AGAP1: variants seen among roughly 807,000 people sequenced by gnomAD.
The protein encoded by AGAP1 is ArfGAP with GTPase domain, ankyrin repeat and PH domain 1, also known as arf-GAP with GTPase, ANK repeat and PH domain-containing protein 1.
AGAP1 carries 29 observed loss-of-function variants against 105.3 expected under a neutral mutation model. That is an observed-to-expected ratio of 0.28 (90% CI 0.21 to 0.38). The LOEUF (loss-of-function observed/expected upper bound fraction) is 0.38, where lower values mean the gene tolerates loss of function less well. AGAP1 is among the 10% of genes least tolerant of loss of function. The pLI is 1.00. For missense variants in AGAP1, 998 were observed against 1,165.1 expected (o/e 0.86, Z 2.09); for synonymous variants, 509 against 485.9 (o/e 1.05, Z -0.63).
rs75552439 is a variant in AGAP1, at chr2:235,610,941, G to A, written c.164-98238G>A. ...ATCCTTTTCAGCCCCTCTGAAGAGC[G>A]GCCCAGTAGGATGGTTGACTGACGT... On this transcript the variant is annotated intron_variant, in intron 1 of 17. Coordinates refer to ENST00000304032, the MANE Select transcript of AGAP1 (RefSeq NM_001037131.3). The surrounding 1 kb of genome is among the most constrained non-coding windows in gnomAD (Gnocchi z 4.9). Among the ~76,000 whole-genome samples, 538 of 152,108 alleles carry A rather than the reference G, an allele frequency of 3.5e-3. 7 individuals carry two copies. Among genetic ancestry groups the A allele is most frequent in the African/African-American group, 0.012 (516 of 41,454 alleles).
chr2:235,552,675 C>CA lies in AGAP1; in HGVS notation c.163+57827dup, dbSNP rs1943851489. Among the ~76,000 whole-genome samples, 1 of 152,142 alleles carries CA rather than the reference C, an allele frequency of 6.6e-6. No homozygotes were observed. The highest frequency in any genetic ancestry group is 1.5e-5 in the Non-Finnish European group (1 of 68,030). ...GGAGCTGGGTTGTGGGTGAGGGATGCAGAGAGGCTTAACCCAGAGAATGGA... is the reference window on the plus strand; with the variant it reads ...GGAGCTGGGTTGTGGGTGAGGGATGCAAGAGAGGCTTAACCCAGAGAATGGA... On this transcript the variant is annotated intron_variant, in intron 1 of 17. Transcript: ENST00000304032. This position sits in a 1 kb window ranked among gnomAD's most constrained non-coding sequence, Gnocchi z 5.9.
rs1426129797 is a variant in AGAP1 at position 236,101,517 on chromosome 2, C to T, written c.2115-18675C>T. ...GCCCTCTGCAGTCACTCCGGCCTGT[C>T]CCCGCCTCTTCCGTGTGAGAAGAGC... On this transcript the variant is annotated intron_variant, in intron 16 of 17. Transcript: ENST00000304032. This position sits in a 1 kb window ranked among gnomAD's most constrained non-coding sequence, Gnocchi z 4.9. Among the ~76,000 whole-genome samples the T allele has an allele frequency of 6.6e-6, 1 of 152,208 alleles. No individual in the cohort carries two copies. The highest frequency in any genetic ancestry group is 2.4e-5 in the African/African-American group (1 of 41,460).
chr2:235,512,008 C>G (rs62191523), intron 1 of AGAP1, among the ~76,000 whole-genome samples: 1 of 36,410 alleles, frequency 2.7e-5, no homozygotes. Context: ...GCGTGTGTGA[C>G]TGTGTGAATG....
chr2:235,777,368 G>A lies in AGAP1; in HGVS notation c.674-20391G>A, dbSNP rs188394764. Among the ~76,000 whole-genome samples, 1 of 152,232 alleles carries A rather than the reference G, an allele frequency of 6.6e-6. No homozygotes were observed. Among genetic ancestry groups the A allele is most frequent in the Non-Finnish European group, 1.5e-5 (1 of 67,996 alleles). ...CTGTCTCAAAAAAAAAGACAAAAGT[G>A]ATTTCCTGAGCTGCTCCGAGCTGGA... is the stretch of plus-strand genomic sequence containing the variant. On this transcript the variant is annotated intron_variant, in intron 6 of 17. Coordinates refer to ENST00000304032, the MANE Select transcript of AGAP1 (RefSeq NM_001037131.3). The surrounding 1 kb of genome is among the most constrained non-coding windows in gnomAD (Gnocchi z 5.1).
intron 8 of AGAP1, 108 bp from the exon 9 acceptor site, chr2:235,807,131 G>A (rs565458296): frequency 2.0e-5 from 21 of 1,072,434 alleles, no homozygotes; most frequent in Admixed American, 9.1e-5. Context: ...CACATAGATC[G>A]CGCATGTTTT....
rs563276676 is a variant in AGAP1 at position 235,967,144 on chromosome 2, C to T, written c.1484-1318C>T. 1.3e-5 allele frequency among the ~76,000 whole-genome samples: 2 copies of T among 152,084 alleles called. No individual in the cohort carries two copies. Among genetic ancestry groups the T allele is most frequent in the Admixed American group, 1.3e-4 (2 of 15,278 alleles). ...TTCCGCAGGCCTCTCCCACCCACAC[C>T]GGCCACCGCCACTCGGGCCCCCTCT... On this transcript the variant is annotated intron_variant, in intron 12 of 17. Transcript: ENST00000304032. The surrounding 1 kb of genome is among the most constrained non-coding windows in gnomAD (Gnocchi z 4.7).
At chr2:235,818,617 A>G (rs1353561505) in intron 9 of AGAP1, among the ~76,000 whole-genome samples, 2 of 151,626 alleles carry the variant, frequency 1.3e-5, no homozygotes, top group Admixed American at 6.6e-5. Context: ...TACGTTTTGT[A>G]TTTTTAGTAG....
At position 236,014,860 on chromosome 2, in the gene AGAP1, C is replaced by T. The variant is rs1430445227; in HGVS notation, c.1646-21701C>T. 2 of 453,076 alleles carry T rather than the reference C, an allele frequency of 4.4e-6. No homozygotes were observed. The highest frequency in any genetic ancestry group is 9.1e-6 in the Non-Finnish European group (2 of 219,682). The allele number at this position is 453,076 out of a possible 1,614,324, so 28.1% of individuals were successfully genotyped here. On this transcript the variant is annotated intron_variant, in intron 13 of 17. Transcript: ENST00000304032. The surrounding 1 kb of genome is among the most constrained non-coding windows in gnomAD (Gnocchi z 6.3). ...TTGGTAGCCTGCGAAATATATACAGCAGCAGCACCAACACTGAAGGTAACG... is the reference window on the plus strand; with the variant it reads ...TTGGTAGCCTGCGAAATATATACAGTAGCAGCACCAACACTGAAGGTAACG...
In AGAP1 at chr2:235,613,479, T is replaced by G. The variant is rs539833252; in HGVS notation, c.164-95700T>G. Among the ~76,000 whole-genome samples the G allele has an allele frequency of 1.6e-4, 25 of 152,314 alleles. No homozygotes were observed. In the South Asian group the frequency reaches 5.2e-3, roughly 32 times the overall value. On this transcript the variant is annotated intron_variant, in intron 1 of 17. Coordinates refer to ENST00000304032, the MANE Select transcript of AGAP1 (RefSeq NM_001037131.3). ...TTTTCCTTCCTTCAATGAGAAGACT[T>G]ATATCTTTTTGAGCAGAAACTGTGG...
rs757059765 is a variant in AGAP1, at chr2:235,968,000, G to A, written c.1484-462G>A. Among the ~76,000 whole-genome samples, 3 of 152,148 alleles carry A rather than the reference G, an allele frequency of 2.0e-5. No individual in the cohort carries two copies. Among genetic ancestry groups the A allele is most frequent in the Admixed American group, 6.5e-5 (1 of 15,274 alleles). On this transcript the variant is annotated intron_variant, in intron 12 of 17. Transcript: ENST00000304032. The surrounding 1 kb of genome is among the most constrained non-coding windows in gnomAD (Gnocchi z 4.7). ...TATAGTCATCTGTAATATTGAGGCC[G>A]GAAGAAAGGATCAGGAATCCCTTAT...
intron 9 of AGAP1, among the ~76,000 whole-genome samples, chr2:235,841,228 G>A (rs1302054203): frequency 3.3e-5 from 5 of 152,130 alleles, no homozygotes; most frequent in Non-Finnish European, 7.3e-5. Context: ...AGAAGTTATC[G>A]ATTCGCTTGG....
In AGAP1 at chr2:235,556,401, G is replaced by T. The variant is rs550210912; in HGVS notation, c.163+61552G>T. On this transcript the variant is annotated intron_variant, in intron 1 of 17. Transcript: ENST00000304032. This position sits in a 1 kb window ranked among gnomAD's most constrained non-coding sequence, Gnocchi z 5.3. Reference sequence around the variant, plus strand: ...GAGGGACACTGACCCCAAGGCCCAGGCCAGTCTCGTCCAGGCTGCCCACAC... The same window carrying T: ...GAGGGACACTGACCCCAAGGCCCAGTCCAGTCTCGTCCAGGCTGCCCACAC... Among the ~76,000 whole-genome samples the T allele has an allele frequency of 3.3e-5, 5 of 152,368 alleles. No homozygotes were observed. Among genetic ancestry groups the T allele is most frequent in the South Asian group, 2.1e-4 (1 of 4,830 alleles).
At position 235,599,612 on chromosome 2, in the gene AGAP1, A is replaced by G. The variant is rs1373137348; in HGVS notation, c.163+104763A>G. ...AACTGCGGATCCCCTGCCATGGCCCATGTGGCTCCGGAAGTTCCTGGGAGT... is the reference window on the plus strand; with the variant it reads ...AACTGCGGATCCCCTGCCATGGCCCGTGTGGCTCCGGAAGTTCCTGGGAGT... On this transcript the variant is annotated intron_variant, in intron 1 of 17. Coordinates refer to ENST00000304032, the MANE Select transcript of AGAP1 (RefSeq NM_001037131.3). This position sits in a 1 kb window ranked among gnomAD's most constrained non-coding sequence, Gnocchi z 5.3. Among the ~76,000 whole-genome samples the G allele has an allele frequency of 1.3e-5, 2 of 150,422 alleles. No homozygotes were observed. Among genetic ancestry groups the G allele is most frequent in the Non-Finnish European group, 2.9e-5 (2 of 67,804 alleles).
chr2:236,095,927 C>T lies in AGAP1; in HGVS notation c.2115-24265C>T, dbSNP rs1006332733. ...AAGTTCACATTCCTTTTCTGTGTGA[C>T]GCTGCTCTTTTAGAAATTCTTCCGT... is the stretch of plus-strand genomic sequence containing the variant. On this transcript the variant is annotated intron_variant, in intron 16 of 17. Transcript: ENST00000304032. The surrounding 1 kb of genome is among the most constrained non-coding windows in gnomAD (Gnocchi z 4.1). 5.9e-5 allele frequency among the ~76,000 whole-genome samples: 9 copies of T among 152,092 alleles called. No individual in the cohort carries two copies. Among genetic ancestry groups the T allele is most frequent in the African/African-American group, 4.8e-5 (2 of 41,394 alleles).
At position 235,981,019 on chromosome 2, in the gene AGAP1, AC is replaced by A. The variant is rs1358700301; in HGVS notation, c.1645+12397del. Among the ~76,000 whole-genome samples the A allele has an allele frequency of 3.3e-5, 5 of 152,280 alleles. No homozygotes were observed. In the East Asian group the frequency reaches 9.6e-4, roughly 29 times the overall value. On this transcript the variant is annotated intron_variant, in intron 13 of 17. Transcript: ENST00000304032. This position sits in a 1 kb window ranked among gnomAD's most constrained non-coding sequence, Gnocchi z 5.5. Reference sequence around the variant, plus strand: ...TGCTCTTAATTCTGATTCTTGTCTTACGGATTGTCTTAGAATGATTAGGAAA... The same window carrying A: ...TGCTCTTAATTCTGATTCTTGTCTTAGGATTGTCTTAGAATGATTAGGAAA...
Position 235,555,783 on chromosome 2 carries a change from C to T in AGAP1, c.163+60934C>T, listed in dbSNP as rs1197287014. ...CAGGAGAGGAGACTTTGGGGGTCAT[C>T]ACTCATTTCTGAGTTACAGAAGTTA... is the stretch of plus-strand genomic sequence containing the variant. On this transcript the variant is annotated intron_variant, in intron 1 of 17. Transcript: ENST00000304032. The surrounding 1 kb of genome is among the most constrained non-coding windows in gnomAD (Gnocchi z 5.1). 6.6e-6 allele frequency among the ~76,000 whole-genome samples: 1 copy of T among 152,184 alleles called. No individual in the cohort carries two copies. Among genetic ancestry groups the T allele is most frequent in the Non-Finnish European group, 1.5e-5 (1 of 68,034 alleles).
At position 235,797,690 on chromosome 2, in the gene AGAP1, G is replaced by T. The variant is rs1026527329; in HGVS notation, c.674-69G>T. 9 of 1,581,796 alleles carry T rather than the reference G, an allele frequency of 5.7e-6. No homozygotes were observed. The Admixed American group carries it at 1.2e-4, about 21-fold the overall frequency. ...TAACAGATTTCGACAACAGACTGAT[G>T]ATCTCTGCTCTGTTCCTGAATTTGG... On this transcript the variant is annotated intron_variant, in intron 6 of 17. Coordinates refer to ENST00000304032, the MANE Select transcript of AGAP1 (RefSeq NM_001037131.3).
chr2:236,122,287 A>T (rs1436709732), intron 17 of AGAP1, among the ~76,000 whole-genome samples: 2 of 152,040 alleles, frequency 1.3e-5, no homozygotes, highest in Non-Finnish European at 2.9e-5. Context: ...CCCTATTGTG[A>T]CCTCATTTAA....
chr2:235,984,951 C>T (rs1274234919), intron 13 of AGAP1, among the ~76,000 whole-genome samples: 1 of 152,066 alleles, frequency 6.6e-6, no homozygotes, highest in Non-Finnish European at 1.5e-5. Flanking sequence ...GATTTATATT[C>T]CTTTGGGTAT....
Sources: allele counts gnomAD v4.1 joint callset (sites outside exome capture counted in the v4.1 genomes callset), GRCh38; gene constraint gnomAD v4.1.1; non-coding constraint Gnocchi (gnomAD v3.1); transcripts MANE v1.5; gene names NCBI Gene and HGNC (gene_info 2026-07-23, HGNC 2026-07-21).